The following TRDN variants were observed in gnomAD, a reference collection of about 807,000 sequenced individuals.
TRDN encodes triadin in skeletal muscle.
A neutral mutation model predicts 149.7 loss-of-function variants in TRDN; 161 were observed. That is an observed-to-expected ratio of 1.08 (90% CI 0.95 to 1.23). The LOEUF is 1.23. Among genes scored for constraint, TRDN ranks in the 50% most tolerant of loss-of-function variants. TRDN has a pLI of 0.00. For missense variants in TRDN, 896 were observed against 823.5 expected (o/e 1.09, Z -1.08); for synonymous variants, 294 against 250.5 (o/e 1.17, Z -1.64).
chr6:123,528,897 A>C (rs1222103313), intron 5 of TRDN: 1 of 1,043,232 alleles, frequency 9.6e-7, no homozygotes, highest in Non-Finnish European at 1.2e-6. Context: ...AGTTACTTTT[A>C]CAAAACATAT....
chr6:123,266,360 TATG>T (rs1362914340), intron 32 of TRDN, among the ~76,000 whole-genome samples: 2 of 113,288 alleles, frequency 1.8e-5, no homozygotes, highest in African/African-American at 3.7e-5. Flanking sequence ...ATATATATAT[TATG>T]ATATGTATTA....
chr6:123,333,018 T>C (rs748836026), intron 22 of TRDN, among the ~76,000 whole-genome samples: 1 of 152,118 alleles, frequency 6.6e-6, no homozygotes, highest in Non-Finnish European at 1.5e-5. Flanking sequence ...TTGCTATTTA[T>C]GGTGTTGTGT....
intron 19 of TRDN, 125 bp downstream of exon 19, chr6:123,375,480 C>A: frequency 2.7e-6 from 2 of 748,074 alleles, no homozygotes; most frequent in Non-Finnish European, 4.2e-6. Context: ...TTCAGCACAA[C>A]AAATAATCAT....
intron 9 of TRDN, among the ~76,000 whole-genome samples, chr6:123,494,133 A>G (rs558150138): frequency 6.6e-6 from 1 of 152,318 alleles, no homozygotes; most frequent in Admixed American, 6.5e-5. Flanking sequence ...GAATTCAATT[A>G]GTAAGTCAAT....
intron 1 of TRDN, among the ~76,000 whole-genome samples, chr6:123,628,614 A>G (rs1392139268): frequency 6.6e-6 from 1 of 152,196 alleles, no homozygotes; most frequent in Non-Finnish European, 1.5e-5. Context: ...GAAAAATGCA[A>G]TATCTGTGGC....
intron 10 of TRDN, chr6:123,442,440 G>GA (rs1774964983): frequency 7.2e-6 from 1 of 139,320 alleles, no homozygotes; most frequent in Non-Finnish European, 1.5e-5. Context: ...CAGCTACTCG[G>GA]GAGGCTGAGG....
chr6:123,239,903 T>A (rs1431246922), intron 38 of TRDN, among the ~76,000 whole-genome samples: 1 of 152,010 alleles, frequency 6.6e-6, no homozygotes, highest in East Asian at 1.9e-4. Context: ...AGAGTAGAAC[T>A]GATTAAATGT....
chr6:123,381,435 A>G, intron 15 of TRDN, 45 bp from the exon 16 acceptor site: 1 of 1,523,686 alleles, frequency 6.6e-7, no homozygotes, highest in Non-Finnish European at 8.9e-7. Context: ...AACTTTAAAG[A>G]TAAAACGTAC....
intron 1 of TRDN, among the ~76,000 whole-genome samples, chr6:123,603,821 C>G (rs1784390819): frequency 6.6e-6 from 1 of 152,134 alleles, no homozygotes; most frequent in Non-Finnish European, 1.5e-5. Context: ...TTTTACCTCA[C>G]AGCATGCATT....
chr6:123,538,479 A>C (rs1307914358), intron 4 of TRDN, among the ~76,000 whole-genome samples: 1 of 152,128 alleles, frequency 6.6e-6, no homozygotes, highest in Non-Finnish European at 1.5e-5. Context: ...ATTGGTAAAC[A>C]AATATTTCTG....
chr6:123,270,767 A>G (rs1222663418), intron 30 of TRDN, among the ~76,000 whole-genome samples: 1 of 151,976 alleles, frequency 6.6e-6, no homozygotes, highest in Non-Finnish European at 1.5e-5. Context: ...GCTAATTTAT[A>G]AATAGTAGAA....
chr6:123,598,825 C>A (rs1225822145), intron 1 of TRDN, among the ~76,000 whole-genome samples: 2 of 151,960 alleles, frequency 1.3e-5, no homozygotes, highest in Non-Finnish European at 2.9e-5. Flanking sequence ...AAGTAACTGA[C>A]ATAGTAAAAA....
At chr6:123,411,260 G>A (rs1422465423) in intron 12 of TRDN, among the ~76,000 whole-genome samples, 4 of 151,776 alleles carry the variant, frequency 2.6e-5, no homozygotes, top group African/African-American at 7.2e-5. Context: ...TTGGCAGGGC[G>A]GGTCTCGAAC....
At chr6:123,460,089 T>A (rs547884955) in intron 10 of TRDN, among the ~76,000 whole-genome samples, 4 of 152,338 alleles carry the variant, frequency 2.6e-5, no homozygotes, top group African/African-American at 9.6e-5. Flanking sequence ...AGTTGACACA[T>A]AATCTTGAAA....
At chr6:123,593,607 T>C (rs1350019245) in intron 1 of TRDN, among the ~76,000 whole-genome samples, 2 of 152,210 alleles carry the variant, frequency 1.3e-5, no homozygotes, top group Non-Finnish European at 2.9e-5. Context: ...ATGGCTGGCT[T>C]CATGTTAACA....
At chr6:123,280,803 A>G (rs1335437888) in intron 24 of TRDN, among the ~76,000 whole-genome samples, 2 of 151,914 alleles carry the variant, frequency 1.3e-5, no homozygotes, top group African/African-American at 4.8e-5. Context: ...GTCATAATCT[A>G]TTGCAAGTAT....
At chr6:123,224,242 C>A in intron 38 of TRDN, 111 bp from the exon 39 acceptor site, 1 of 991,370 alleles carries the variant, frequency 1.0e-6, no homozygotes, top group South Asian at 1.4e-5. Context: ...AATCTACAAA[C>A]TCAGCATCTA....
At chr6:123,244,192 C>G (rs577042995) in intron 38 of TRDN, among the ~76,000 whole-genome samples, 87 of 151,424 alleles carry the variant, frequency 5.7e-4, no homozygotes, top group Non-Finnish European at 1.1e-3. Flanking sequence ...TCTTCTCCTC[C>G]AAAGGATCAC....
At chr6:123,582,544 G>A (rs1783181753) in intron 1 of TRDN, among the ~76,000 whole-genome samples, 1 of 151,374 alleles carries the variant, frequency 6.6e-6, no homozygotes, top group South Asian at 2.1e-4. Flanking sequence ...GTACTCAGTG[G>A]GGGCGCTTTT....
Sources: allele counts gnomAD v4.1 joint callset (sites outside exome capture counted in the v4.1 genomes callset), GRCh38; gene constraint gnomAD v4.1.1; transcripts MANE v1.5; gene names NCBI Gene and HGNC (gene_info 2026-07-23, HGNC 2026-07-21).